CA10: variants seen among roughly 807,000 people sequenced by gnomAD.
CA10 encodes the protein carbonic anhydrase-related protein 10.
Under a neutral mutation model 44.2 loss-of-function variants are expected in CA10, and 14 were observed. The observed-to-expected ratio is 0.32, with a 90% CI of 0.21 to 0.50. The LOEUF (loss-of-function observed/expected upper bound fraction) is 0.50. Among genes scored for constraint, CA10 ranks in the 20% least tolerant of loss-of-function variants. The pLI is 0.99. For synonymous variants in CA10, 159 were observed against 141.6 expected (o/e 1.12, Z -0.87); for missense variants, 350 against 409.7 (o/e 0.85, Z 1.26).
chr17:51,750,257 T>C (rs1302914951), intron 3 of CA10, among the ~76,000 whole-genome samples: 1 of 152,174 alleles, frequency 6.6e-6, no homozygotes, highest in African/African-American at 2.4e-5. Flanking sequence ...TTGGCATATA[T>C]ATAATTTTCA....
Position 52,050,717 on chromosome 17 carries a change from G to A in CA10, c.136+21602C>T, listed in dbSNP as rs138289865. ...CACCTTGTTGCAACTTTCTAAACTT[G>A]CTGGTCCACTGAACAAATTCTACTT... On this transcript the variant is annotated intron_variant, in intron 2 of 8. Coordinates refer to ENST00000451037, the MANE Select transcript of CA10 (RefSeq NM_020178.5). 9.6e-3 allele frequency among the ~76,000 whole-genome samples: 1,455 copies of A among 152,056 alleles called. 22 individuals are homozygous for A. The highest frequency in any genetic ancestry group is 8.2e-3 in the Non-Finnish European group (557 of 67,976).
chr17:52,095,874 A>G (rs1214240062), intron 1 of CA10, among the ~76,000 whole-genome samples: 8 of 152,192 alleles, frequency 5.3e-5, no homozygotes, highest in Non-Finnish European at 1.0e-4. Context: ...TAAGGATATA[A>G]CATGACGTGC....
At chr17:51,801,385 T>C (rs192376406) in intron 3 of CA10, among the ~76,000 whole-genome samples, 2 of 152,274 alleles carry the variant, frequency 1.3e-5, no homozygotes, top group East Asian at 1.9e-4. Context: ...AATTTACAAG[T>C]ATCATCTAGG....
chr17:51,984,255 C>A (rs1209572342), intron 2 of CA10, among the ~76,000 whole-genome samples: 1 of 151,626 alleles, frequency 6.6e-6, no homozygotes, highest in Non-Finnish European at 1.5e-5. Context: ...ATAACCTGCT[C>A]CTTTTGGGTC....
intron 1 of CA10, among the ~76,000 whole-genome samples, chr17:52,088,209 A>T (rs1168469547): frequency 6.6e-6 from 1 of 152,186 alleles, no homozygotes; most frequent in Non-Finnish European, 1.5e-5. Flanking sequence ...AAACCTGCAC[A>T]TGTACCCTTG....
At chr17:51,878,973 C>T (rs1980242473) in intron 3 of CA10, among the ~76,000 whole-genome samples, 1 of 144,246 alleles carries the variant, frequency 6.9e-6, no homozygotes, top group Non-Finnish European at 1.5e-5. Context: ...CAATAAAATT[C>T]TATAATTCCC....
chr17:52,000,440 G>C (rs1985383450), intron 2 of CA10, among the ~76,000 whole-genome samples: 1 of 152,078 alleles, frequency 6.6e-6, no homozygotes, highest in Non-Finnish European at 1.5e-5. Context: ...TAATGGATCT[G>C]GAGACCTCAA....
At chr17:51,715,845 A>G (rs1485210369) in intron 4 of CA10, among the ~76,000 whole-genome samples, 2 of 152,172 alleles carry the variant, frequency 1.3e-5, no homozygotes, top group Admixed American at 6.5e-5. Flanking sequence ...ATGTGCCACC[A>G]CGCCTGGCTA....
At chr17:51,768,974 C>T (rs1478165180) in intron 3 of CA10, among the ~76,000 whole-genome samples, 1 of 152,104 alleles carries the variant, frequency 6.6e-6, no homozygotes, top group Non-Finnish European at 1.5e-5. Context: ...CACGGTTTTT[C>T]CAGGGCTGCT....
intron 5 of CA10, among the ~76,000 whole-genome samples, chr17:51,650,924 A>G (rs1287943304): frequency 1.3e-5 from 2 of 152,220 alleles, no homozygotes; most frequent in Non-Finnish European, 2.9e-5. Flanking sequence ...TACTTGGTAT[A>G]AGTGAGCTTA....
intron 2 of CA10, among the ~76,000 whole-genome samples, chr17:52,028,627 G>A (rs571547813): frequency 5.9e-5 from 9 of 152,268 alleles, no homozygotes; most frequent in East Asian, 1.9e-4. Flanking sequence ...ATTGGAGGCC[G>A]TTGCTCTGGA....
At chr17:52,064,308 C>T (rs1022756951) in intron 2 of CA10, among the ~76,000 whole-genome samples, 3 of 152,166 alleles carry the variant, frequency 2.0e-5, no homozygotes, top group Admixed American at 1.3e-4. Context: ...AAGCCATGTC[C>T]AGACTTCTGA....
At chr17:52,113,397 G>A (rs1988827590) in intron 1 of CA10, among the ~76,000 whole-genome samples, 1 of 151,892 alleles carries the variant, frequency 6.6e-6, no homozygotes, top group African/African-American at 2.4e-5. Context: ...AGTGTTCTGA[G>A]TTCTAAAAAA....
intron 4 of CA10, among the ~76,000 whole-genome samples, chr17:51,684,702 T>G (rs1005149263): frequency 5.3e-5 from 8 of 152,202 alleles, no homozygotes; most frequent in Non-Finnish European, 8.8e-5. Context: ...GGAAACTTCT[T>G]TATGCCTACA....
intron 2 of CA10, among the ~76,000 whole-genome samples, chr17:51,992,064 C>T (rs1985061559): frequency 6.6e-6 from 1 of 151,888 alleles, no homozygotes; most frequent in Admixed American, 6.6e-5. Context: ...TGAATGTTGA[C>T]ATTCGTTATA....
rs531175799 is a variant in CA10 at position 51,950,472 on chromosome 17, G to A, written c.137-19340C>T. 1.1e-3 allele frequency among the ~76,000 whole-genome samples: 168 copies of A among 152,238 alleles called. 1 individual carries two copies. Among genetic ancestry groups the A allele is most frequent in the Middle Eastern group, 6.8e-3 (2 of 294 alleles). Reference sequence around the variant, plus strand: ...AGGGTGAGAAGAGAGATGCCTGGACGTTTATTCCATCAGCAACCACCCTTG... The same window carrying A: ...AGGGTGAGAAGAGAGATGCCTGGACATTTATTCCATCAGCAACCACCCTTG... On this transcript the variant is annotated intron_variant, in intron 2 of 8. Coordinates refer to ENST00000451037, the MANE Select transcript of CA10 (RefSeq NM_020178.5).
At chr17:51,680,921 C>T (rs140785033) in intron 4 of CA10, among the ~76,000 whole-genome samples, 5 of 152,138 alleles carry the variant, frequency 3.3e-5, no homozygotes, top group South Asian at 2.1e-4. Flanking sequence ...CATTTCCCCC[C>T]CAACATTCCC....
At chr17:51,855,847 C>A (rs544775461) in intron 3 of CA10, among the ~76,000 whole-genome samples, 1 of 152,146 alleles carries the variant, frequency 6.6e-6, no homozygotes, top group Non-Finnish European at 1.5e-5. Context: ...CAGAAAGTGG[C>A]CACAAGGTAT....
intron 1 of CA10, among the ~76,000 whole-genome samples, chr17:52,155,929 C>G (rs1047348047): frequency 7.9e-5 from 12 of 152,156 alleles, no homozygotes; most frequent in African/African-American, 2.7e-4. Flanking sequence ...ATAGCTGTGA[C>G]AGGTATCCCA....
Sources: gnomAD v4.1 joint callset for allele counts (sites outside exome capture counted in the v4.1 genomes callset) on GRCh38, gnomAD v4.1.1 for gene constraint, MANE v1.5 for transcripts, NCBI Gene and HGNC (gene_info 2026-07-23, HGNC 2026-07-21) for gene names.